The following BANF2 variants were observed in gnomAD, a reference collection of about 807,000 sequenced individuals.
BANF2 encodes barrier-to-autointegration factor-like protein.
BANF2 carries 4 observed loss-of-function variants against 8.0 expected under a neutral mutation model. The observed-to-expected ratio is 0.50, with a 90% CI of 0.25 to 1.14. The LOEUF is 1.14. Among genes scored for constraint, BANF2 ranks in the 50% most tolerant of loss-of-function variants. The probability of loss-of-function intolerance (pLI) is 0.16; values close to 1 mark genes in which losing one functional copy is unlikely to be tolerated. For synonymous variants in BANF2, 50 were observed against 40.6 expected (o/e 1.23, Z -0.88); for missense variants, 96 against 107.5 (o/e 0.89, Z 0.47).
chr20:17,697,156 G>A (rs763032265), upstream of BANF2, among the ~76,000 whole-genome samples: 1 of 152,060 alleles, frequency 6.6e-6, no homozygotes, highest in Admixed American at 6.5e-5. Flanking sequence ...TATCCCTAGC[G>A]AGCCTTCTCT....
chr20:17,697,979 C>T (rs2037363007), upstream of BANF2, among the ~76,000 whole-genome samples: 1 of 151,704 alleles, frequency 6.6e-6, no homozygotes, highest in Non-Finnish European at 1.5e-5. Context: ...CCAGGATGGG[C>T]GGATCATCTG....
At position 17,713,067 on chromosome 20, in the gene BANF2, G is replaced by A. The variant is rs1341440964; in HGVS notation, c.-166-9649G>A. ...GTTCAAGACCAGCCTGGGCAACTTA[G>A]GGAGACCCCCCGATCTCTACGAAAA... On this transcript the variant is annotated intron_variant, in intron 1 of 3. Coordinates refer to ENST00000246090, the MANE Select transcript of BANF2 (RefSeq NM_178477.5). Among the ~76,000 whole-genome samples the A allele has an allele frequency of 3.9e-5, 6 of 152,060 alleles. No homozygotes were observed. The East Asian group carries it at 1.2e-3, about 30-fold the overall frequency.
upstream of BANF2, among the ~76,000 whole-genome samples, chr20:17,699,536 T>C (rs2037380231): frequency 6.6e-6 from 1 of 152,108 alleles, no homozygotes; most frequent in Non-Finnish European, 1.5e-5. Flanking sequence ...GGTATACTGG[T>C]AGAAGAAAAA....
At chr20:17,722,594 T>G in intron 1 of BANF2, 122 bp from the exon 2 acceptor site, 14 of 339,144 alleles carry the variant, frequency 4.1e-5, no homozygotes, top group South Asian at 1.2e-4. Flanking sequence ...AGATGAAGAG[T>G]GAGATTCCTA....
intron 1 of BANF2, among the ~76,000 whole-genome samples, chr20:17,709,879 G>A (rs1004442717): frequency 1.3e-5 from 2 of 152,200 alleles, no homozygotes; most frequent in African/African-American, 2.4e-5. Context: ...AGCATGAGCC[G>A]CTCTCTTAGG....
intron 1 of BANF2, 24 bp downstream of exon 1, chr20:17,700,079 G>C (rs2037385565): frequency 1.1e-6 from 1 of 905,368 alleles, no homozygotes; most frequent in Non-Finnish European, 1.3e-6. Context: ...ACTTTCCCAA[G>C]CAGCATGGAA....
chr20:17,733,422 T>G (rs1021128244), intron 3 of BANF2, among the ~76,000 whole-genome samples: 1 of 152,300 alleles, frequency 6.6e-6, no homozygotes, highest in Middle Eastern at 3.4e-3. Flanking sequence ...CTACTATTAT[T>G]AAGTATTATC....
At chr20:17,698,170 C>T (rs779725432), upstream of BANF2, among the ~76,000 whole-genome samples, 3 of 151,644 alleles carry the variant, frequency 2.0e-5, no homozygotes, top group Admixed American at 6.6e-5. Context: ...ATCACGCCAT[C>T]GCATTCCAAC....
intron 1 of BANF2, among the ~76,000 whole-genome samples, chr20:17,709,728 G>A (rs1031400913): frequency 6.6e-6 from 1 of 152,186 alleles, no homozygotes; most frequent in Non-Finnish European, 1.5e-5. Flanking sequence ...TTGAGGCCTG[G>A]CAATGCCATA....
At chr20:17,707,153 G>A (rs1309925986) in intron 1 of BANF2, among the ~76,000 whole-genome samples, 2 of 152,080 alleles carry the variant, frequency 1.3e-5, no homozygotes, top group African/African-American at 2.4e-5. Flanking sequence ...GGAGGCCAAG[G>A]CAGGCAGATC....
chr20:17,693,729 C>T, intron 1 of BANF2: 1 of 1,551,306 alleles, frequency 6.4e-7, no homozygotes, highest in African/African-American at 1.4e-5. Context: ...GGTCTGACTT[C>T]CTTGCTCACG....
intron 3 of BANF2, among the ~76,000 whole-genome samples, chr20:17,728,823 C>A (rs6111640): frequency 6.6e-6 from 1 of 152,108 alleles, no homozygotes; most frequent in African/African-American, 2.4e-5. Context: ...ATCCAGACAG[C>A]GGCCGCAGGT....
chr20:17,724,517 CCCA>C (rs1311628338), intron 2 of BANF2, among the ~76,000 whole-genome samples: 3 of 152,190 alleles, frequency 2.0e-5, no homozygotes, highest in African/African-American at 7.2e-5. Context: ...GCGACCCATT[CCCA>C]CCTGCAGGCT....
At chr20:17,698,785 A>C (rs907619074), upstream of BANF2, among the ~76,000 whole-genome samples, 1 of 152,246 alleles carries the variant, frequency 6.6e-6, no homozygotes, top group Non-Finnish European at 1.5e-5. Flanking sequence ...AACGTGGCTC[A>C]GTTCTGGCAA....
upstream of BANF2, among the ~76,000 whole-genome samples, chr20:17,697,217 G>A (rs914222233): frequency 2.0e-5 from 3 of 152,190 alleles, no homozygotes; most frequent in African/African-American, 7.2e-5. Flanking sequence ...ATTTTATATG[G>A]TGCTAGCTCC....
upstream of BANF2, among the ~76,000 whole-genome samples, chr20:17,695,465 A>AAAAAAT (rs2037339164): frequency 6.6e-6 from 1 of 151,280 alleles, no homozygotes; most frequent in Admixed American, 6.6e-5. Flanking sequence ...AAAAAAAAAA[A>AAAAAAT]AAAAGTAGAG....
intron 1 of BANF2, among the ~76,000 whole-genome samples, chr20:17,705,002 G>A (rs1215667587): frequency 6.6e-6 from 1 of 152,226 alleles, no homozygotes; most frequent in Admixed American, 6.5e-5. Context: ...GAGGTCGCGT[G>A]TCCACAATGA....
chr20:17,696,077 G>A (rs2037344537), upstream of BANF2, among the ~76,000 whole-genome samples: 1 of 152,244 alleles, frequency 6.6e-6, no homozygotes, highest in Non-Finnish European at 1.5e-5. Flanking sequence ...ACATTCACCT[G>A]TTAATGGACA....
chr20:17,731,759 G>A (rs1465385500), intron 3 of BANF2, among the ~76,000 whole-genome samples: 10 of 95,034 alleles, frequency 1.1e-4, no homozygotes, highest in East Asian at 3.3e-4. Context: ...CGTCTCTTAG[G>A]AAAAAAAAAA....
Sources: gnomAD v4.1 joint callset for allele counts (sites outside exome capture counted in the v4.1 genomes callset) on GRCh38, gnomAD v4.1.1 for gene constraint, MANE v1.5 for transcripts, NCBI Gene and HGNC (gene_info 2026-07-23, HGNC 2026-07-21) for gene names.